Variants in BMPR1B observed in about 807,000 individuals in gnomAD.
The protein encoded by BMPR1B is bone morphogenetic protein receptor type-1B.
BMPR1B carries 12 observed loss-of-function variants against 59.1 expected under a neutral mutation model. That is an observed-to-expected ratio of 0.20 (90% confidence interval 0.13 to 0.33). BMPR1B has a LOEUF of 0.33. BMPR1B is among the 10% of genes least tolerant of loss of function. The pLI, the probability that BMPR1B is intolerant of heterozygous loss-of-function variation, is 1.00. For synonymous variants in BMPR1B, 237 were observed against 207.3 expected (o/e 1.14, Z -1.23); for missense variants, 550 against 610.9 (o/e 0.90, Z 1.05).
chr4:94,764,899 C>T (rs1024523669), intron 1 of BMPR1B, among the ~76,000 whole-genome samples: 1 of 151,984 alleles, frequency 6.6e-6, no homozygotes, highest in Non-Finnish European at 1.5e-5. Flanking sequence ...TTTGGGAGGA[C>T]TGGGAAGGGG....
chr4:94,945,545 T>C (rs1453868267), intron 2 of BMPR1B, among the ~76,000 whole-genome samples: 1 of 152,150 alleles, frequency 6.6e-6, no homozygotes, highest in East Asian at 1.9e-4. Flanking sequence ...GGATCTTCCT[T>C]ACTGTCTTCT....
At chr4:94,920,028 A>G (rs943952413) in intron 2 of BMPR1B, among the ~76,000 whole-genome samples, 1 of 152,006 alleles carries the variant, frequency 6.6e-6, no homozygotes, top group East Asian at 1.9e-4. Flanking sequence ...TGTTAAAAGT[A>G]TTTTCTTGCA....
chr4:95,040,962 A>G (rs530796701), intron 3 of BMPR1B, among the ~76,000 whole-genome samples: 2 of 152,326 alleles, frequency 1.3e-5, no homozygotes, highest in Admixed American at 6.5e-5. Context: ...GTACAGGCCT[A>G]TGCAAGGAAG....
At chr4:95,093,648 G>T (rs1478669567) in intron 3 of BMPR1B, among the ~76,000 whole-genome samples, 1 of 151,962 alleles carries the variant, frequency 6.6e-6, no homozygotes, top group African/African-American at 2.4e-5. Context: ...TTGAGTGATT[G>T]AAGCTTTTAT....
chr4:94,885,100 A>G (rs1322436137), intron 2 of BMPR1B, among the ~76,000 whole-genome samples: 1 of 152,188 alleles, frequency 6.6e-6, no homozygotes, highest in Non-Finnish European at 1.5e-5. Context: ...CAGAACAGCC[A>G]ACATCAGCAG....
At chr4:95,080,397 G>A (rs546708100) in intron 3 of BMPR1B, among the ~76,000 whole-genome samples, 2 of 152,074 alleles carry the variant, frequency 1.3e-5, no homozygotes, top group South Asian at 2.1e-4. Context: ...CAACCATGTC[G>A]GCTAATTTTT....
At chr4:95,028,813 G>C (rs1724603316) in intron 3 of BMPR1B, among the ~76,000 whole-genome samples, 1 of 151,798 alleles carries the variant, frequency 6.6e-6, no homozygotes, top group Non-Finnish European at 1.5e-5. Context: ...AAATATTAAA[G>C]TTGATTAAAC....
At chr4:95,053,559 G>C (rs1726686893) in intron 3 of BMPR1B, among the ~76,000 whole-genome samples, 1 of 152,004 alleles carries the variant, frequency 6.6e-6, no homozygotes, top group African/African-American at 2.4e-5. Flanking sequence ...TTAGAATAGT[G>C]TCTGGCACAT....
chr4:95,143,221 GGTACACCAGGCACAGGCAGGAAGGGA>G (rs1405857643), intron 10 of BMPR1B, among the ~76,000 whole-genome samples: 43 of 152,286 alleles, frequency 2.8e-4, no homozygotes, highest in African/African-American at 8.2e-4. Flanking sequence ...CGCCAGGGGT[GGTACACCAGGCACAGGCAGGAAGGGA>G]GTACACTGTC....
intron 2 of BMPR1B, among the ~76,000 whole-genome samples, chr4:94,977,772 G>A (rs1248363562): frequency 6.6e-6 from 1 of 152,228 alleles, no homozygotes; most frequent in South Asian, 2.1e-4. Flanking sequence ...CAGGAGAATC[G>A]CCTGAACCCA....
intron 3 of BMPR1B, among the ~76,000 whole-genome samples, chr4:95,032,720 A>T (rs1724960335): frequency 6.6e-6 from 1 of 152,102 alleles, no homozygotes. Flanking sequence ...TTTAAGGCTG[A>T]ATAATATTCT....
intron 2 of BMPR1B, among the ~76,000 whole-genome samples, chr4:94,954,990 T>C (rs1345814926): frequency 6.6e-6 from 1 of 152,182 alleles, no homozygotes; most frequent in Admixed American, 6.5e-5. Context: ...CCCTTATACT[T>C]TTAATCTTTC....
At chr4:94,960,197 G>A (rs1287900018) in intron 2 of BMPR1B, among the ~76,000 whole-genome samples, 1 of 152,034 alleles carries the variant, frequency 6.6e-6, no homozygotes, top group African/African-American at 2.4e-5. Context: ...AAATTATTTC[G>A]ATAAAAGAAA....
At chr4:95,137,213 G>T (rs1733859816) in intron 10 of BMPR1B, among the ~76,000 whole-genome samples, 1 of 152,182 alleles carries the variant, frequency 6.6e-6, no homozygotes, top group Non-Finnish European at 1.5e-5. Context: ...ATGTAGTTGA[G>T]CGGTTTTGAG....
intron 3 of BMPR1B, among the ~76,000 whole-genome samples, chr4:95,021,386 A>G (rs1723970043): frequency 6.6e-6 from 1 of 152,246 alleles, no homozygotes. Context: ...ATTTTAAAGA[A>G]GGTTTTTAAC....
At chr4:95,058,293 T>C (rs973241076) in intron 3 of BMPR1B, among the ~76,000 whole-genome samples, 1 of 152,164 alleles carries the variant, frequency 6.6e-6, no homozygotes, top group African/African-American at 2.4e-5. Flanking sequence ...CAGAGGAAAA[T>C]TAATGTACAT....
intron 1 of BMPR1B, among the ~76,000 whole-genome samples, chr4:94,818,736 A>G (rs1285334362): frequency 1.3e-5 from 2 of 152,222 alleles, no homozygotes; most frequent in Non-Finnish European, 2.9e-5. Context: ...TTGAACCTGC[A>G]TAGTAGCCTC....
At chr4:94,993,206 C>A (rs1218585226) in intron 2 of BMPR1B, among the ~76,000 whole-genome samples, 1 of 152,096 alleles carries the variant, frequency 6.6e-6, no homozygotes, top group African/African-American at 2.4e-5. Context: ...AGTATATAGC[C>A]TTTTCAGACT....
chr4:95,151,070 C>A (rs1438397896), intron 11 of BMPR1B, among the ~76,000 whole-genome samples: 1 of 152,150 alleles, frequency 6.6e-6, no homozygotes, highest in Non-Finnish European at 1.5e-5. Flanking sequence ...TCTTTCTAGT[C>A]CAGGCCCTTC....
Sources: allele counts gnomAD v4.1 joint callset (sites outside exome capture counted in the v4.1 genomes callset), GRCh38; gene constraint gnomAD v4.1.1; transcripts MANE v1.5; gene names NCBI Gene and HGNC (gene_info 2026-07-23, HGNC 2026-07-21).